The following SLF2 variants were observed in gnomAD, a reference collection of about 807,000 sequenced individuals.
SLF2 encodes the protein SMC5-SMC6 complex localization factor protein 2.
In SLF2, 68 loss-of-function variants were observed where a neutral mutation model predicts 124.3. The ratio of observed to expected loss-of-function variants is 0.55; its 90% confidence interval spans 0.45 to 0.67. The LOEUF (loss-of-function observed/expected upper bound fraction) is 0.67, where lower values mean the gene tolerates loss of function less well. Among genes scored for constraint, SLF2 ranks in the 30% least tolerant of loss-of-function variants. SLF2 has a pLI of 0.00. For synonymous variants in SLF2, 480 were observed against 478.8 expected, an observed-to-expected ratio of 1.00 and a Z score of -0.03; for missense variants, 1,246 against 1,373.7, an observed-to-expected ratio of 0.91 and a Z score of 1.47.
chr10:100,950,772 T>C lies in SLF2; in HGVS notation c.3330+19T>C. 2 of 1,595,256 alleles carry C rather than the reference T, an allele frequency of 1.3e-6. No individual in the cohort carries two copies. The highest frequency in any genetic ancestry group is 2.2e-5 in the South Asian group (2 of 90,598). On this transcript the variant is annotated intron_variant, in intron 17 of 19. Transcript: ENST00000238961. ...ACAACGGGTAGGTAGTGTTTAGTGT[T>C]GTTGCTGCTGTTTTTAAATAGGTGT...
At chr10:100,917,972 A>G (rs961302230) in intron 3 of SLF2, among the ~76,000 whole-genome samples, 5 of 152,148 alleles carry the variant, frequency 3.3e-5, no homozygotes, top group African/African-American at 1.2e-4. Context: ...CTGTTCTCCT[A>G]GCTACTTAGG....
At position 100,960,998 on chromosome 10, in the gene SLF2, CTTTTTTTTTTTTTTT is replaced by C. The variant is rs59983480; in HGVS notation, c.3487-864_3487-850del. On this transcript the variant is annotated intron_variant, in intron 19 of 19. Transcript: ENST00000238961. ...GTGAGAACTGAGATATTCTGTACTT[CTTTTTTTTTTTTTTT>C]TTTTTTTTTTTTTTGAGACGGAGTC... is the stretch of plus-strand genomic sequence containing the variant. Among the ~76,000 whole-genome samples, 32 of 61,406 alleles carry C rather than the reference CTTTTTTTTTTTTTTT, an allele frequency of 5.2e-4. No individual in the cohort carries two copies. The East Asian group carries it at 0.017, about 32-fold the overall frequency. The allele number at this position is 61,406 out of a possible 152,430, so 40.3% of individuals were successfully genotyped here.
At chr10:100,930,955 G>A (rs371475070) in intron 8 of SLF2, 21 bp from the exon 9 acceptor site, 3 of 1,593,428 alleles carry the variant, frequency 1.9e-6, no homozygotes, top group Non-Finnish European at 2.6e-6. Context: ...TAGCCATGTT[G>A]ATTTTACTTT....
chr10:100,945,124 C>T (rs1320512490), intron 12 of SLF2, among the ~76,000 whole-genome samples: 1 of 152,028 alleles, frequency 6.6e-6, no homozygotes, highest in Non-Finnish European at 1.5e-5. Context: ...TTAAGAAAAT[C>T]TCAAAAATGG....
chr10:100,946,915 C>T (rs911568036), intron 13 of SLF2, 124 bp from the exon 14 acceptor site: 48 of 731,276 alleles, frequency 6.6e-5, no homozygotes, highest in Non-Finnish European at 1.0e-4. Flanking sequence ...CATGCTATTT[C>T]TAAAAATGTG....
In SLF2 at chr10:100,924,873, G is replaced by A; in HGVS notation, c.1872G>A (p.Leu624=). 2 of 1,614,162 alleles carry A rather than the reference G, an allele frequency of 1.2e-6. No individual in the cohort carries two copies. Among genetic ancestry groups the A allele is most frequent in the Non-Finnish European group, 1.7e-6 (2 of 1,180,032 alleles). ...SDEEEETLKS[L]EEIMALNFNQ... ...AGGAAGAGGAAACATTAAAGTCACT[G>A]GAAGAAATAATGGCTTTGAACTTCA... is the stretch of plus-strand genomic sequence containing the variant. Residue 624 remains leucine, a synonymous_variant, in exon 5 of 20, where the codon CTG becomes CTA. Transcript: ENST00000238961.
chr10:100,913,493 C>T (rs1258877223), intron 1 of SLF2: 2 of 1,265,134 alleles, frequency 1.6e-6, no homozygotes, highest in Non-Finnish European at 2.0e-6. Flanking sequence ...TACGGAGAAC[C>T]CGCCTTAGGT....
In SLF2 at chr10:100,947,083, C is replaced by T; in HGVS notation, c.2979C>T (p.Pro993=). The T allele has an allele frequency of 6.2e-7, 1 of 1,611,430 alleles. No individual in the cohort carries two copies. Among genetic ancestry groups the T allele is most frequent in the Non-Finnish European group, 8.5e-7 (1 of 1,178,992 alleles). Residue 993 remains proline, a synonymous_variant, in exon 14 of 20, where the codon CCC becomes CCT. Coordinates refer to ENST00000238961, the MANE Select transcript of SLF2 (RefSeq NM_018121.4). ...GCATAAATGAACTCTCCAGTCATCCCCACAACCTCCTGTGGTTGGTACAGC... is the reference window on the plus strand; with the variant it reads ...GCATAAATGAACTCTCCAGTCATCCTCACAACCTCCTGTGGTTGGTACAGC... The part of the protein sequence containing the change: ...CLGINELSSH[P]HNLLWLVQLV...
intron 4 of SLF2, among the ~76,000 whole-genome samples, chr10:100,919,298 A>G (rs942596515): frequency 1.3e-5 from 2 of 152,118 alleles, no homozygotes; most frequent in Non-Finnish European, 2.9e-5. Context: ...GGCATGAGCC[A>G]CTGCACCGGG....
intron 11 of SLF2, among the ~76,000 whole-genome samples, chr10:100,943,070 T>G (rs1850012321): frequency 6.6e-6 from 1 of 152,242 alleles, no homozygotes. Context: ...GACTGAAAGT[T>G]TCAGCCTTCT....
chr10:100,957,687 A>C (rs1262684197), intron 18 of SLF2, among the ~76,000 whole-genome samples: 2 of 151,920 alleles, frequency 1.3e-5, no homozygotes, highest in African/African-American at 4.8e-5. Context: ...GGGTCGTACA[A>C]CACCTAGTCT....
At chr10:100,946,930 GT>G (rs1344148937) in intron 13 of SLF2, 108 bp from the exon 14 acceptor site, 2 of 843,092 alleles carry the variant, frequency 2.4e-6, no homozygotes, top group Non-Finnish European at 4.0e-6. Context: ...AATGTGCTCT[GT>G]TTTGTACTAG....
chr10:100,953,615 T>C (rs1288332674), intron 17 of SLF2, among the ~76,000 whole-genome samples: 1 of 151,980 alleles, frequency 6.6e-6, no homozygotes, highest in Non-Finnish European at 1.5e-5. Flanking sequence ...AATGTAATCA[T>C]AGTATCATTT....
At chr10:100,957,800 G>A (rs1480674768) in intron 18 of SLF2, among the ~76,000 whole-genome samples, 5 of 152,188 alleles carry the variant, frequency 3.3e-5, no homozygotes, top group African/African-American at 9.6e-5. Context: ...ATATGAGTAT[G>A]GAGTAGGAAA....
chr10:100,917,376 G>T, intron 3 of SLF2, 76 bp downstream of exon 3: 1 of 1,439,394 alleles, frequency 6.9e-7, no homozygotes, highest in South Asian at 1.4e-5. Context: ...AAATATTTAA[G>T]AGTTGTTACA....
At chr10:100,959,231 AG>A (rs967992597) in intron 18 of SLF2, among the ~76,000 whole-genome samples, 196 bp from the exon 19 acceptor site, 1 of 152,242 alleles carries the variant, frequency 6.6e-6, no homozygotes, top group African/African-American at 2.4e-5. Context: ...ATGATGATAA[AG>A]GGAGTCTTAT....
At chr10:100,938,982 T>G (rs1412010064) in intron 11 of SLF2, among the ~76,000 whole-genome samples, 4 of 152,154 alleles carry the variant, frequency 2.6e-5, no homozygotes, top group Admixed American at 6.6e-5. Context: ...CTTTGTTATT[T>G]AACATTGTTT....
At chr10:100,941,872 A>G (rs936870859) in intron 11 of SLF2, among the ~76,000 whole-genome samples, 1 of 152,192 alleles carries the variant, frequency 6.6e-6, no homozygotes, top group Non-Finnish European at 1.5e-5. Flanking sequence ...TTATACAACT[A>G]GGAAGGGGCG....
At chr10:100,942,045 T>A (rs1849991430) in intron 11 of SLF2, among the ~76,000 whole-genome samples, 1 of 152,126 alleles carries the variant, frequency 6.6e-6, no homozygotes, top group African/African-American at 2.4e-5. Context: ...GGTAAAAAAA[T>A]GTTTCCTCTA....
Sources: gnomAD v4.1 joint callset for allele counts (sites outside exome capture counted in the v4.1 genomes callset) on GRCh38, gnomAD v4.1.1 for gene constraint, MANE v1.5 for transcripts, NCBI Gene and HGNC (gene_info 2026-07-23, HGNC 2026-07-21) for gene names.